DLG2: variants seen among roughly 807,000 people sequenced by gnomAD.
DLG2 encodes the protein discs large MAGUK scaffold protein 2.
DLG2 carries 45 observed loss-of-function variants against 132.5 expected under a neutral mutation model. That is an observed-to-expected ratio of 0.34 (90% CI 0.27 to 0.44). The LOEUF is 0.44. DLG2 is among the 20% of genes least tolerant of loss of function. DLG2 has a pLI of 1.00. For missense variants in DLG2, 1,045 were observed against 1,196.9 expected (o/e 0.87, Z 1.87); for synonymous variants, 424 against 419.6 (o/e 1.01, Z -0.13).
At chr11:84,191,521 C>T (rs868002460) in intron 8 of DLG2, among the ~76,000 whole-genome samples, 2 of 152,216 alleles carry the variant, frequency 1.3e-5, no homozygotes, top group South Asian at 2.1e-4. Flanking sequence ...CAAACCTCGC[C>T]CAAACTTCCT....
intron 6 of DLG2, among the ~76,000 whole-genome samples, chr11:84,810,479 G>A: frequency 6.6e-6 from 1 of 152,118 alleles, no homozygotes; most frequent in East Asian, 1.9e-4. Context: ...AAAAACATAT[G>A]ACAGCAATTG....
intron 8 of DLG2, among the ~76,000 whole-genome samples, chr11:84,176,339 G>A (rs997684351): frequency 4.2e-5 from 6 of 143,736 alleles, no homozygotes; most frequent in African/African-American, 1.5e-4. Flanking sequence ...ATATATATTT[G>A]CATATATATA....
At chr11:85,317,520 G>A (rs1301012316) in intron 3 of DLG2, among the ~76,000 whole-genome samples, 1 of 151,856 alleles carries the variant, frequency 6.6e-6, no homozygotes, top group Non-Finnish European at 1.5e-5. Context: ...GTAGAGACAG[G>A]GTCTTACTGG....
intron 18 of DLG2, among the ~76,000 whole-genome samples, chr11:83,773,463 G>A (rs1012300413): frequency 6.6e-6 from 1 of 152,162 alleles, no homozygotes; most frequent in Non-Finnish European, 1.5e-5. Context: ...TACGAAATAT[G>A]TTTATTTGTT....
At chr11:85,357,731 TATATATATATATATATATATATATATATA>T (rs2083839962) in intron 3 of DLG2, among the ~76,000 whole-genome samples, 3 of 9,462 alleles carry the variant, frequency 3.2e-4, no homozygotes, top group African/African-American at 6.6e-4. Context: ...TATATATATA[TATATATATATATATATATATATATATATA>T]TTTTATACTT....
intron 3 of DLG2, among the ~76,000 whole-genome samples, chr11:85,487,728 G>A (rs966587844): frequency 6.6e-6 from 1 of 152,232 alleles, no homozygotes; most frequent in East Asian, 1.9e-4. Context: ...AGGGTGAAGA[G>A]AGATCAAAAG....
intron 6 of DLG2, among the ~76,000 whole-genome samples, chr11:85,017,324 G>A (rs1034911527): frequency 1.3e-5 from 2 of 149,042 alleles, no homozygotes; most frequent in Non-Finnish European, 3.0e-5. Context: ...CATAAAACTT[G>A]TCCAGGGAGT....
chr11:84,378,606 A>G (rs935894069), intron 7 of DLG2, among the ~76,000 whole-genome samples: 22 of 151,810 alleles, frequency 1.4e-4, no homozygotes, highest in African/African-American at 5.1e-4. Context: ...TTGGAACTCA[A>G]ATTCACACTG....
intron 16 of DLG2, among the ~76,000 whole-genome samples, chr11:83,868,654 G>T (rs2062851980): frequency 6.6e-6 from 1 of 151,850 alleles, no homozygotes; most frequent in Non-Finnish European, 1.5e-5. Flanking sequence ...TGTTTTGATA[G>T]AGTCACTTAA....
At chr11:84,613,175 G>C (rs2099598323) in intron 6 of DLG2, among the ~76,000 whole-genome samples, 1 of 151,994 alleles carries the variant, frequency 6.6e-6, no homozygotes, top group African/African-American at 2.4e-5. Context: ...TCTCTCTTGA[G>C]GAACTAAGAC....
chr11:83,942,988 G>C (rs1591531394), intron 14 of DLG2, among the ~76,000 whole-genome samples: 1 of 152,168 alleles, frequency 6.6e-6, no homozygotes, highest in Admixed American at 6.5e-5. Context: ...CTGTTCTCAT[G>C]ATGGTGAATA....
chr11:83,817,869 C>T (rs181235055), intron 17 of DLG2, among the ~76,000 whole-genome samples: 2 of 152,072 alleles, frequency 1.3e-5, no homozygotes, highest in South Asian at 4.1e-4. Flanking sequence ...GACCCTGTCT[C>T]TAATTAAAAA....
intron 9 of DLG2, among the ~76,000 whole-genome samples, chr11:84,134,163 G>C (rs1285886341): frequency 6.6e-6 from 1 of 152,058 alleles, no homozygotes; most frequent in Non-Finnish European, 1.5e-5. Context: ...GACTGCCTAG[G>C]AAACAGGCTA....
At chr11:84,943,851 A>T (rs1444819642) in intron 6 of DLG2, among the ~76,000 whole-genome samples, 3 of 152,142 alleles carry the variant, frequency 2.0e-5, no homozygotes, top group Non-Finnish European at 4.4e-5. Flanking sequence ...GTACCTTCAG[A>T]TGATTTCTTA....
At chr11:85,365,193 G>A (rs147981289) in intron 3 of DLG2, among the ~76,000 whole-genome samples, 35 of 152,182 alleles carry the variant, frequency 2.3e-4, no homozygotes, top group Middle Eastern at 3.4e-3. Context: ...TCTCAGGAGC[G>A]GCTCTTTTTG....
chr11:85,512,677 A>G (rs531516602), intron 3 of DLG2, among the ~76,000 whole-genome samples: 44 of 152,074 alleles, frequency 2.9e-4, no homozygotes, highest in Non-Finnish European at 5.4e-4. Context: ...TTTTTAATAA[A>G]AAGTCAAAAA....
chr11:84,234,225 G>T (rs2097130413), intron 8 of DLG2, among the ~76,000 whole-genome samples: 1 of 152,164 alleles, frequency 6.6e-6, no homozygotes, highest in African/African-American at 2.4e-5. Flanking sequence ...AAAAGATCAA[G>T]CCGTGCACAT....
chr11:83,714,834 A>C (rs957204447), intron 18 of DLG2, among the ~76,000 whole-genome samples: 1 of 152,256 alleles, frequency 6.6e-6, no homozygotes, highest in Non-Finnish European at 1.5e-5. Context: ...TAGTTCAACC[A>C]TTGTGGAAGA....
chr11:85,429,746 T>A (rs2091035764), intron 3 of DLG2, among the ~76,000 whole-genome samples: 1 of 152,270 alleles, frequency 6.6e-6, no homozygotes, highest in Non-Finnish European at 1.5e-5. Flanking sequence ...GGGAACACTT[T>A]TACACTGTTG....
Sources: gnomAD v4.1 joint callset for allele counts (sites outside exome capture counted in the v4.1 genomes callset) on GRCh38, gnomAD v4.1.1 for gene constraint, MANE v1.5 for transcripts, NCBI Gene and HGNC (gene_info 2026-07-23, HGNC 2026-07-21) for gene names.